SCN2A: variants seen among roughly 807,000 people sequenced by gnomAD.
SCN2A encodes the protein sodium voltage-gated channel alpha subunit 2.
SCN2A carries 20 observed loss-of-function variants against 188.7 expected under a neutral mutation model. The observed-to-expected ratio is 0.11, with a 90% CI of 0.07 to 0.15. SCN2A has a LOEUF of 0.15. Ranked by LOEUF, SCN2A falls within the 10% of genes least tolerant of loss-of-function variation. The probability of loss-of-function intolerance (pLI) is 1.00; values close to 1 mark genes in which losing one functional copy is unlikely to be tolerated. For synonymous variants in SCN2A, 804 were observed against 833.1 expected, an observed-to-expected ratio of 0.97 and a Z score of 0.60; for missense variants, 1,278 against 2,445.0, an observed-to-expected ratio of 0.52 and a Z score of 10.07.
chr2:165,246,891 C>T (rs1223170834), intron 1 of SCN2A, among the ~76,000 whole-genome samples: 1 of 152,126 alleles, frequency 6.6e-6, no homozygotes, highest in Non-Finnish European at 1.5e-5. Context: ...ATTTCATACC[C>T]TTTCTTTTCT....
At chr2:165,287,353 T>A (rs936792698) in intron 1 of SCN2A, among the ~76,000 whole-genome samples, 1 of 152,176 alleles carries the variant, frequency 6.6e-6, no homozygotes, top group Middle Eastern at 3.2e-3. Context: ...TGAAGTTGTG[T>A]GCATGCTCAC....
At position 165,367,366 on chromosome 2, in the gene SCN2A, G is replaced by T. The variant is rs780330020; in HGVS notation, c.3670G>T (p.Ala1224Ser). 2.9e-5 allele frequency: 47 copies of T among 1,614,030 alleles called. No individual in the cohort carries two copies. The highest frequency in any genetic ancestry group is 3.5e-5 in the Non-Finnish European group (41 of 1,179,998). The change falls in exon 19 of 27, where the codon GCT (alanine) becomes TCT (serine). Residue 1224 changes from alanine (A) to serine (S), a missense_variant. Around this residue, in one of 17 missense-constraint regions of SCN2A, gnomAD observed 228 missense variants for 297.3 expected, o/e 0.77. Coordinates refer to ENST00000375437, the MANE Select transcript of SCN2A (RefSeq NM_001040142.2). The part of the protein sequence containing the change: ...IVFMILLSSG[A>S]LAFEDIYIEQ... ...CTTCATGATTCTGCTGAGCAGTGGG[G>T]CTCTGGTAGGTGATGCATGATCCAC...
At chr2:165,244,673 C>T (rs1693768207) in intron 1 of SCN2A, among the ~76,000 whole-genome samples, 1 of 151,970 alleles carries the variant, frequency 6.6e-6, no homozygotes. Context: ...ACTAAAATAA[C>T]ATTTAGGGGG....
chr2:165,386,214 C>T (rs932016905), intron 25 of SCN2A, among the ~76,000 whole-genome samples: 4 of 151,954 alleles, frequency 2.6e-5, no homozygotes, highest in East Asian at 3.9e-4. Context: ...GCCTGTAATT[C>T]CAGCACTTTG....
chr2:165,341,314 C>G (rs962135711), intron 14 of SCN2A, among the ~76,000 whole-genome samples: 5 of 151,630 alleles, frequency 3.3e-5, no homozygotes, highest in African/African-American at 4.8e-5. Context: ...AGGATAGTCT[C>G]GATCTCCTGA....
rs80017022 is a variant in SCN2A at position 165,248,187 on chromosome 2, C to T, written c.-52+8547C>T. On this transcript the variant is annotated intron_variant, in intron 1 of 26. Transcript: ENST00000375437. ...TTCTCCTTACAATCTATTCTCAATA[C>T]GGCAAGACAGAAGTAAGATTACGCC... Among the ~76,000 whole-genome samples the T allele has an allele frequency of 9.8e-3, 1,498 of 152,214 alleles. 27 individuals are homozygous for T. The highest frequency in any genetic ancestry group is 0.063 in the East Asian group (329 of 5,182).
At chr2:165,269,140 G>A (rs1050207154) in intron 1 of SCN2A, 4 of 152,034 alleles carry the variant, frequency 2.6e-5, no homozygotes, top group South Asian at 2.1e-4. Context: ...GCTATGTGTC[G>A]ATTTTAAATG....
chr2:165,267,151 A>T (rs1694903964), intron 1 of SCN2A: 1 of 152,060 alleles, frequency 6.6e-6, no homozygotes, highest in African/African-American at 2.4e-5. Flanking sequence ...TTTAAATCTT[A>T]AAATTCATAT....
intron 3 of SCN2A, among the ~76,000 whole-genome samples, chr2:165,301,792 T>C (rs1696823069): frequency 6.6e-6 from 1 of 152,208 alleles, no homozygotes; most frequent in Non-Finnish European, 1.5e-5. Flanking sequence ...GCAAACAAAA[T>C]CTTTATATAG....
intron 20 of SCN2A, chr2:165,370,996 A>G (rs1165613730): frequency 1.3e-5 from 2 of 152,360 alleles, no homozygotes; most frequent in Non-Finnish European, 2.9e-5. Context: ...AGAACTACAT[A>G]AGTGTGGACA....
chr2:165,331,294 C>A, intron 13 of SCN2A, 36 bp from the exon 14 acceptor site: 1 of 1,441,624 alleles, frequency 6.9e-7, no homozygotes, highest in Non-Finnish European at 9.8e-7. Context: ...AGAAAGTAAG[C>A]AGTTTTCATG....
At chr2:165,243,431 T>C (rs1200538564) in intron 1 of SCN2A, among the ~76,000 whole-genome samples, 1 of 151,886 alleles carries the variant, frequency 6.6e-6, no homozygotes, top group East Asian at 1.9e-4. Context: ...GCTGAAACCC[T>C]GTCTCTACTA....
At position 165,295,812 on chromosome 2, in the gene SCN2A, C is replaced by T; in HGVS notation, c.-12C>T. 6.2e-7 allele frequency: 1 copy of T among 1,613,994 alleles called. No homozygotes were observed. The highest frequency in any genetic ancestry group is 2.2e-5 in the East Asian group (1 of 44,888). Reference sequence around the variant, plus strand: ...AGGAGCTAAACAGTGATTAAAGGAGCAGGATGAAAAGATGGCACAGTCAGT... The same window carrying T: ...AGGAGCTAAACAGTGATTAAAGGAGTAGGATGAAAAGATGGCACAGTCAGT... On this transcript the variant is annotated 5_prime_UTR_variant, in exon 2 of 27. Transcript: ENST00000375437.
chr2:165,370,783 T>C (rs541787014), intron 20 of SCN2A: 6 of 159,696 alleles, frequency 3.8e-5, no homozygotes, highest in African/African-American at 1.4e-4. Context: ...AAATTGGCTA[T>C]TGACCAAGTA....
At chr2:165,327,638 GA>G (rs891196320) in intron 13 of SCN2A, 1 of 152,912 alleles carries the variant, frequency 6.5e-6, no homozygotes, top group African/African-American at 2.4e-5. Context: ...TTGTGACTTT[GA>G]ATTTCAGTCT....
intron 26 of SCN2A, 149 bp from the exon 27 acceptor site, chr2:165,388,480 T>A: frequency 8.9e-7 from 1 of 1,121,796 alleles, no homozygotes; most frequent in Non-Finnish European, 1.3e-6. Context: ...ACCAGTTTCA[T>A]TTTGCTCAAC....
At chr2:165,372,290 T>C (rs1701077572) in intron 20 of SCN2A, 1 of 152,206 alleles carries the variant, frequency 6.6e-6, no homozygotes, top group Non-Finnish European at 1.5e-5. Flanking sequence ...AAATTGCATG[T>C]GCAAAATTAT....
At chr2:165,248,433 T>G (rs1189531137) in intron 1 of SCN2A, among the ~76,000 whole-genome samples, 1 of 152,144 alleles carries the variant, frequency 6.6e-6, no homozygotes, top group African/African-American at 2.4e-5. Context: ...AGAAACCTTT[T>G]GCCTCAGGCA....
intron 17 of SCN2A, among the ~76,000 whole-genome samples, chr2:165,362,248 G>A (rs1700497189): frequency 6.6e-6 from 1 of 151,898 alleles, no homozygotes; most frequent in South Asian, 2.1e-4. Context: ...TAAATATTTG[G>A]CTTTAGGAAA....
Sources: allele counts gnomAD v4.1 joint callset (sites outside exome capture counted in the v4.1 genomes callset), GRCh38; gene constraint gnomAD v4.1.1; regional missense constraint gnomAD v4.1.1; transcripts MANE v1.5; gene names NCBI Gene and HGNC (gene_info 2026-07-23, HGNC 2026-07-21).